PSD4: variants seen among roughly 807,000 people sequenced by gnomAD.
PSD4 encodes pleckstrin and Sec7 domain containing 4, also known as PH and SEC7 domain-containing protein 4.
Under a neutral mutation model 112.5 loss-of-function variants are expected in PSD4, and 59 were observed. The ratio of observed to expected loss-of-function variants is 0.52; its 90% CI spans 0.43 to 0.65. The LOEUF is 0.65. Among genes scored for constraint, PSD4 ranks in the 30% least tolerant of loss-of-function variants. PSD4 has a pLI of 0.00. For missense variants in PSD4, 1,267 were observed against 1,352.6 expected (o/e 0.94, Z 0.99); for synonymous variants, 533 against 540.0 (o/e 0.99, Z 0.18).
chr2:113,201,118 G>T (rs202208265), intron 16 of PSD4, 40 bp from the exon 17 acceptor site: 2 of 1,565,176 alleles, frequency 1.3e-6, no homozygotes, highest in Non-Finnish European at 1.7e-6. Flanking sequence ...CCAACCTGGA[G>T]CCAGGATGGT....
intron 12 of PSD4, 112 bp downstream of exon 12, chr2:113,196,419 C>A: frequency 7.3e-7 from 1 of 1,366,954 alleles, no homozygotes; most frequent in Non-Finnish European, 9.9e-7. Flanking sequence ...TGAGGACAGG[C>A]AGCCAGCCCA....
chr2:113,183,417 C>T lies in PSD4; in HGVS notation c.961C>T (p.Pro321Ser). 6.4e-7 allele frequency: 1 copy of T among 1,574,720 alleles called. No individual in the cohort carries two copies. Among genetic ancestry groups the T allele is most frequent in the Non-Finnish European group, 8.6e-7 (1 of 1,161,574 alleles). The change falls in exon 2 of 17, where the codon CCT becomes TCT. Residue 321 changes from proline (P) to serine (S), a missense_variant. Around this residue, in one of 2 missense-constraint regions of PSD4, gnomAD observed 723 missense variants for 704.0 expected, o/e 1.03. Coordinates refer to ENST00000245796, the MANE Select transcript of PSD4 (RefSeq NM_012455.3). ...AISGHCTPPF[P>S]VPIYKPHSIC... ...CAGTGGGCATTGTACCCCTCCATTC[C>T]CTGTGCCCATCTATAAACCACACTC...
chr2:113,179,888 G>A (rs1306366280), intron 1 of PSD4, among the ~76,000 whole-genome samples: 3 of 152,196 alleles, frequency 2.0e-5, no homozygotes, highest in Non-Finnish European at 4.4e-5. Context: ...GGGTGGGCTG[G>A]AACATCAGAA....
In PSD4 at chr2:113,177,095, C is replaced by T. The variant is rs539258575; in HGVS notation, c.-112+3041C>T. On this transcript the variant is annotated intron_variant, in intron 1 of 16. Transcript: ENST00000245796. Reference sequence around the variant, plus strand: ...GTCCTCCTTTCTGTTCGGGTTGCTGCCTGGGAGCCAAGACCCACAGGGACA... The same window carrying T: ...GTCCTCCTTTCTGTTCGGGTTGCTGTCTGGGAGCCAAGACCCACAGGGACA... Among the ~76,000 whole-genome samples, 6 of 152,354 alleles carry T rather than the reference C, an allele frequency of 3.9e-5. 1 individual carries two copies. In the East Asian group the frequency reaches 7.7e-4, roughly 20 times the overall value.
intron 1 of PSD4, among the ~76,000 whole-genome samples, chr2:113,178,223 A>C (rs1408852751): frequency 2.0e-5 from 3 of 152,060 alleles, no homozygotes; most frequent in Non-Finnish European, 4.4e-5. Flanking sequence ...GTCTAAAAAA[A>C]AATGTCGCAG....
At position 113,184,947 on chromosome 2, in the gene PSD4, G is replaced by T. The variant is rs756495433; in HGVS notation, c.1057-10G>T. On this transcript the variant is annotated splice_polypyrimidine_tract_variant and intron_variant, in intron 2 of 16. Coordinates refer to ENST00000245796, the MANE Select transcript of PSD4 (RefSeq NM_012455.3). ...TCCTTCTCTCCTCTGTCTCTCTCTC[G>T]ACTTCTCAGGGAGATAGGCTTGGTC... 1 of 1,613,780 alleles carries T rather than the reference G, an allele frequency of 6.2e-7. No homozygotes were observed. The highest frequency in any genetic ancestry group is 2.2e-5 in the East Asian group (1 of 44,872).
At position 113,182,874 on chromosome 2, in the gene PSD4, C is replaced by T; in HGVS notation, c.418C>T (p.Leu140=). 1 of 1,614,170 alleles carries T rather than the reference C, an allele frequency of 6.2e-7. No homozygotes were observed. Among genetic ancestry groups the T allele is most frequent in the Non-Finnish European group, 8.5e-7 (1 of 1,180,004 alleles). The change falls in exon 2 of 17, where the codon CTA becomes TTA. Residue 140 remains leucine (L), a synonymous_variant. Transcript: ENST00000245796. ...ASPGSPVNSH[L]PGSPKQNRST... is the part of the protein sequence containing the mutation. ...ACCAGGGTCACCAGTGAACAGCCAT[C>T]TACCGGGGAGCCCAAAGCAGAACCG...
Position 113,199,245 on chromosome 2 carries a change from C to A in PSD4, c.2913+19C>A, listed in dbSNP as rs1390127738. ...GTACGAGGTGAGCGGCCGAGCCCACCTCCCCGCCGCTGCGCAGCGCCCTCT... is the reference window on the plus strand; with the variant it reads ...GTACGAGGTGAGCGGCCGAGCCCACATCCCCGCCGCTGCGCAGCGCCCTCT... On this transcript the variant is annotated intron_variant, in intron 16 of 16. Coordinates refer to ENST00000245796, the MANE Select transcript of PSD4 (RefSeq NM_012455.3). The A allele has an allele frequency of 6.9e-7, 1 of 1,441,326 alleles. No individual in the cohort carries two copies. The allele number at this position is 1,441,326 out of a possible 1,614,324, so 89.3% of individuals were successfully genotyped here.
chr2:113,193,818 G>A (rs780392317), intron 9 of PSD4, 41 bp from the exon 10 acceptor site: 2 of 1,593,824 alleles, frequency 1.3e-6, no homozygotes, highest in South Asian at 2.2e-5. Context: ...CTATTGGGAT[G>A]GGGTGTGTGC....
Position 113,193,584 on chromosome 2 carries a change from T to C in PSD4, c.2033-8T>C, listed in dbSNP as rs989426869. The C allele has an allele frequency of 6.2e-7, 1 of 1,612,010 alleles. No homozygotes were observed. The highest frequency in any genetic ancestry group is 1.3e-5 in the African/African-American group (1 of 74,824). On this transcript the variant is annotated splice_region_variant and splice_polypyrimidine_tract_variant and intron_variant, in intron 8 of 16. Coordinates refer to ENST00000245796, the MANE Select transcript of PSD4 (RefSeq NM_012455.3). ...AGCTTTCTCTCCACTTACCTATCTC[T>C]GGGGTAGATTCTGTACACACCTTGA...
Position 113,201,447 on chromosome 2 carries a change from G to C in PSD4, c.*32G>C. 1 of 1,608,558 alleles carries C rather than the reference G, an allele frequency of 6.2e-7. No individual in the cohort carries two copies. On this transcript the variant is annotated 3_prime_UTR_variant, in exon 17 of 17. Coordinates refer to ENST00000245796, the MANE Select transcript of PSD4 (RefSeq NM_012455.3). ...CACCACCTCAGAGACACTGTTCCCT[G>C]CTCCAGGGTAGACCTGAGATGAACC...
rs1364562481 is a variant in PSD4 at position 113,182,314 on chromosome 2, C to G, written c.-111-32C>G. The G allele has an allele frequency of 5.1e-6, 4 of 789,474 alleles. No homozygotes were observed. In the African/African-American group the frequency reaches 7.0e-5, roughly 14 times the overall value. 48.9% of individuals were successfully genotyped at this position (789,474 alleles called of 1,614,324 possible). ...GTGCCTCCAGAGGCTGACAGCCCTT[C>G]CCTAACCTGCACTTGCTTTGGGCAT... On this transcript the variant is annotated intron_variant, in intron 1 of 16. Coordinates refer to ENST00000245796, the MANE Select transcript of PSD4 (RefSeq NM_012455.3).
At chr2:113,197,137 C>A in intron 12 of PSD4, 1 of 267,588 alleles carries the variant, frequency 3.7e-6, no homozygotes, top group Non-Finnish European at 7.3e-6. Flanking sequence ...GGGAAGGGCA[C>A]CCCAAAGCTG....
intron 5 of PSD4, among the ~76,000 whole-genome samples, chr2:113,190,971 G>A (rs1558892104): frequency 6.6e-6 from 1 of 152,336 alleles, no homozygotes; most frequent in East Asian, 1.9e-4. Context: ...ATTTTAGTTA[G>A]ATTTAGTTAC....
In PSD4 at chr2:113,205,121, C is replaced by G. The variant is rs927310740; in HGVS notation, c.*3706C>G. 6.6e-6 allele frequency: 1 copy of G among 152,036 alleles called. No individual in the cohort carries two copies. Among genetic ancestry groups the G allele is most frequent in the African/African-American group, 2.4e-5 (1 of 41,412 alleles). 9.4% of individuals were successfully genotyped at this position (152,036 alleles called of 1,614,324 possible). A position where few individuals can be genotyped will look rare whatever the true frequency, so the allele number is the denominator to read the frequency against. On this transcript the variant is annotated 3_prime_UTR_variant, in exon 17 of 17. Transcript: ENST00000245796. ...TAGCTGGGATTACAGGCATGCACCACCATGCCCAGCTAATTTTGTATTTTT... is the reference window on the plus strand; with the variant it reads ...TAGCTGGGATTACAGGCATGCACCAGCATGCCCAGCTAATTTTGTATTTTT...
chr2:113,199,067 C>T lies in PSD4; in HGVS notation c.2770-16C>T. On this transcript the variant is annotated splice_polypyrimidine_tract_variant and intron_variant, in intron 15 of 16. Transcript: ENST00000245796. ...GGACGCCCGGGACAGCGCCCCTCAC[C>T]GCCCGCTGCTCGCAGGAGGAGCAGC... 1.3e-6 allele frequency: 2 copies of T among 1,521,148 alleles called. No homozygotes were observed. The highest frequency in any genetic ancestry group is 1.8e-6 in the Non-Finnish European group (2 of 1,136,886). 94.2% of individuals were successfully genotyped at this position (1,521,148 alleles called of 1,614,324 possible).
At position 113,207,213 on chromosome 2, in the gene PSD4, G is replaced by A. The variant is rs1315352678; in HGVS notation, c.*5798G>A. ...TATCTGAGCCAGTCACTAGAGCCAG[G>A]GGTTTAAGGAGATCAGAGTCCACTT... On this transcript the variant is annotated 3_prime_UTR_variant, in exon 17 of 17. Transcript: ENST00000245796. The A allele has an allele frequency of 6.6e-6, 1 of 152,182 alleles. No individual in the cohort carries two copies. The highest frequency in any genetic ancestry group is 1.9e-4 in the East Asian group (1 of 5,176). The allele number at this position is 152,182 out of a possible 1,614,324, so 9.4% of individuals were successfully genotyped here. A position where few individuals can be genotyped will look rare whatever the true frequency, so the allele number is the denominator to read the frequency against.
At chr2:113,180,691 C>A (rs1406412109) in intron 1 of PSD4, among the ~76,000 whole-genome samples, 2 of 121,492 alleles carry the variant, frequency 1.6e-5, no homozygotes, top group Non-Finnish European at 1.6e-5. Flanking sequence ...GACTGCTCAT[C>A]TTTCAGGTGC....
intron 1 of PSD4, among the ~76,000 whole-genome samples, chr2:113,180,356 A>G (rs1358502279): frequency 1.3e-5 from 2 of 152,196 alleles, no homozygotes; most frequent in African/African-American, 4.8e-5. Flanking sequence ...CCATGTGGCT[A>G]TTGATTCAGC....
Sources: gnomAD v4.1 joint callset for allele counts (sites outside exome capture counted in the v4.1 genomes callset) on GRCh38, gnomAD v4.1.1 for gene constraint, gnomAD v4.1.1 regional missense constraint, MANE v1.5 for transcripts, NCBI Gene and HGNC (gene_info 2026-07-23, HGNC 2026-07-21) for gene names.